KYAT1: variants seen among roughly 807,000 people sequenced by gnomAD.
KYAT1 encodes kynurenine aminotransferase 1.
KYAT1 carries 47 observed loss-of-function variants against 52.4 expected under a neutral mutation model. The ratio of observed to expected loss-of-function variants is 0.90; its 90% CI spans 0.71 to 1.14. The LOEUF (loss-of-function observed/expected upper bound fraction) is 1.14, where lower values mean the gene tolerates loss of function less well. Ranked by LOEUF, KYAT1 falls within the 50% of genes most tolerant of loss-of-function variation. The probability of loss-of-function intolerance (pLI) is 0.00; values close to 1 mark genes in which losing one functional copy is unlikely to be tolerated. For synonymous variants in KYAT1, 212 were observed against 209.6 expected (o/e 1.01, Z -0.10); for missense variants, 480 against 557.9 (o/e 0.86, Z 1.41).
rs950860704 is a variant in KYAT1, at chr9:128,838,387, T to G, written c.202-20A>C. On this transcript the variant is annotated intron_variant, in intron 3 of 12. Coordinates refer to ENST00000302586, the MANE Select transcript of KYAT1 (RefSeq NM_004059.5). ...GTAACCCTGCCAGGACAGCAGGGGTTAACTGTCCAGCTCAGCCTGGGCCCA... is the reference window on the plus strand; with the variant it reads ...GTAACCCTGCCAGGACAGCAGGGGTGAACTGTCCAGCTCAGCCTGGGCCCA... 6 of 1,613,726 alleles carry G rather than the reference T, an allele frequency of 3.7e-6. No individual in the cohort carries two copies. In the African/African-American group the frequency reaches 6.7e-5, roughly 18 times the overall value.
chr9:128,851,843 T>G (rs1346263162), intron 1 of KYAT1, among the ~76,000 whole-genome samples: 5 of 152,150 alleles, frequency 3.3e-5, no homozygotes, highest in Non-Finnish European at 1.5e-5. Flanking sequence ...TAATATATCC[T>G]GAAACATTAA....
At chr9:128,866,857 G>A (rs892130249) in intron 1 of KYAT1, among the ~76,000 whole-genome samples, 2 of 151,114 alleles carry the variant, frequency 1.3e-5, no homozygotes, top group African/African-American at 4.9e-5. Context: ...GGTGAACTGA[G>A]ATCGTGCCAC....
intron 1 of KYAT1, among the ~76,000 whole-genome samples, chr9:128,848,114 G>A (rs1833395025): frequency 1.3e-5 from 2 of 152,132 alleles, no homozygotes; most frequent in Admixed American, 6.5e-5. Context: ...GAGCCCAGGA[G>A]TTTGAGACCA....
At chr9:128,848,318 C>CAA (rs56157823) in intron 1 of KYAT1, among the ~76,000 whole-genome samples, 112 of 73,352 alleles carry the variant, frequency 1.5e-3, no homozygotes, top group African/African-American at 1.8e-3. Context: ...AGATATGTCT[C>CAA]AAAAAAAAAA....
intron 1 of KYAT1, among the ~76,000 whole-genome samples, chr9:128,879,687 T>C (rs1455492447): frequency 6.6e-6 from 1 of 152,208 alleles, no homozygotes; most frequent in Admixed American, 6.5e-5. Flanking sequence ...TCATCATTTC[T>C]CCTTCTGGAC....
chr9:128,835,163 G>T, intron 11 of KYAT1, 160 bp downstream of exon 11: 1 of 675,178 alleles, frequency 1.5e-6, no homozygotes. Context: ...AAGAAAAAAA[G>T]AAACAGCCTC....
chr9:128,837,085 G>A (rs576698892), intron 6 of KYAT1, among the ~76,000 whole-genome samples, 163 bp from the exon 7 acceptor site: 3 of 152,298 alleles, frequency 2.0e-5, no homozygotes, highest in Admixed American at 2.0e-4. Context: ...CTGGAGGTCA[G>A]GAGTTTAAGA....
chr9:128,864,395 T>C (rs886381653), intron 1 of KYAT1, among the ~76,000 whole-genome samples: 1 of 150,312 alleles, frequency 6.7e-6, no homozygotes, highest in African/African-American at 2.4e-5. Flanking sequence ...AAGTTTTTCA[T>C]TTAAAAAATT....
intron 1 of KYAT1, among the ~76,000 whole-genome samples, chr9:128,847,954 A>C (rs1332698518): frequency 2.0e-5 from 3 of 152,188 alleles, no homozygotes; most frequent in African/African-American, 7.2e-5. Context: ...GTGGCCCTAA[A>C]TTAGATCACA....
intron 1 of KYAT1, among the ~76,000 whole-genome samples, chr9:128,847,251 A>T (rs1833245659): frequency 6.6e-6 from 1 of 152,228 alleles, no homozygotes; most frequent in African/African-American, 2.4e-5. Flanking sequence ...GACTATTCAG[A>T]TGCAGAGCTA....
At chr9:128,878,611 A>G (rs1838352664) in intron 1 of KYAT1, among the ~76,000 whole-genome samples, 1 of 152,196 alleles carries the variant, frequency 6.6e-6, no homozygotes, top group Non-Finnish European at 1.5e-5. Flanking sequence ...TGGAGAGAAC[A>G]GCCTGTCTGA....
intron 1 of KYAT1, among the ~76,000 whole-genome samples, 186 bp downstream of exon 1, chr9:128,881,711 A>C (rs971498525): frequency 6.6e-6 from 1 of 152,166 alleles, no homozygotes; most frequent in Non-Finnish European, 1.5e-5. Context: ...CCGAGCGAGA[A>C]TCAGCGAGCA....
chr9:128,863,956 G>A (rs1026068676), intron 1 of KYAT1, among the ~76,000 whole-genome samples: 1 of 152,104 alleles, frequency 6.6e-6, no homozygotes. Flanking sequence ...CCCTTTTCTA[G>A]GAAGCAGGCC....
At position 128,838,079 on chromosome 9, in the gene KYAT1, C is replaced by A. The variant is rs780587256; in HGVS notation, c.410G>T (p.Gly137Val). 2 of 1,614,146 alleles carry A rather than the reference C, an allele frequency of 1.2e-6. No homozygotes were observed. The highest frequency in any genetic ancestry group is 2.2e-5 in the East Asian group (1 of 44,886). Reference sequence around the variant, plus strand: ...CTTCAGGGACACAAACACAGGACGACCCCCTGCCATCATTGTCATGGGCTC... The same window carrying A: ...CTTCAGGGACACAAACACAGGACGAACCCCTGCCATCATTGTCATGGGCTC... ...CYEPMTMMAG[G>V]RPVFVSLKPG... Residue 137 changes from glycine to valine, a missense_variant, in exon 5 of 13, where the codon GGT becomes GTT. Gly to Val is a moderately radical substitution (Grantham distance 109). Transcript: ENST00000302586.
At chr9:128,855,756 C>T (rs1317795023) in intron 1 of KYAT1, among the ~76,000 whole-genome samples, 3 of 152,190 alleles carry the variant, frequency 2.0e-5, no homozygotes, top group Non-Finnish European at 2.9e-5. Context: ...CATATTTTAA[C>T]AGAAGTATTA....
chr9:128,838,173 G>A, intron 4 of KYAT1, 36 bp from the exon 5 acceptor site: 3 of 1,614,082 alleles, frequency 1.9e-6, no homozygotes, highest in Non-Finnish European at 2.5e-6. Context: ...AGTCAGCATG[G>A]CCCTGACCTC....
chr9:128,875,308 G>A (rs575985682), intron 1 of KYAT1, among the ~76,000 whole-genome samples: 36 of 147,054 alleles, frequency 2.4e-4, no homozygotes, highest in Non-Finnish European at 4.2e-4. Context: ...CGCCCAGGCC[G>A]GAGTGCAGCT....
intron 3 of KYAT1, among the ~76,000 whole-genome samples, chr9:128,841,483 T>C (rs955972783): frequency 8.6e-5 from 13 of 151,528 alleles, no homozygotes; most frequent in African/African-American, 3.2e-4. Flanking sequence ...ATCGTGCCGC[T>C]GCACTCCAGA....
intron 1 of KYAT1, among the ~76,000 whole-genome samples, chr9:128,849,883 C>CTTTT (rs537211110): frequency 2.5e-4 from 23 of 91,954 alleles, no homozygotes; most frequent in East Asian, 6.6e-4. Context: ...TTATTTTCTT[C>CTTTT]TTTTTTTTTT....
Sources: allele counts gnomAD v4.1 joint callset (sites outside exome capture counted in the v4.1 genomes callset), GRCh38; gene constraint gnomAD v4.1.1; transcripts MANE v1.5; gene names NCBI Gene and HGNC (gene_info 2026-07-23, HGNC 2026-07-21).